The following CHCHD3 variants were observed in gnomAD, a reference collection of about 807,000 sequenced individuals.
CHCHD3 encodes the protein MICOS complex subunit MIC19.
CHCHD3 carries 20 observed loss-of-function variants against 38.2 expected under a neutral mutation model. The observed-to-expected ratio is 0.52, with a 90% CI of 0.37 to 0.76. The LOEUF (loss-of-function observed/expected upper bound fraction) is 0.76, where lower values mean the gene tolerates loss of function less well. Among genes scored for constraint, CHCHD3 ranks in the 30% least tolerant of loss-of-function variants. The pLI is 0.00. For missense variants in CHCHD3, 245 were observed against 279.2 expected (o/e 0.88, Z 0.87); for synonymous variants, 82 against 100.0 (o/e 0.82, Z 1.07).
At position 132,854,987 on chromosome 7, in the gene CHCHD3, C is replaced by T. The variant is rs1203076074; in HGVS notation, c.454-16518G>A. 7.2e-5 allele frequency among the ~76,000 whole-genome samples: 11 copies of T among 152,192 alleles called. No individual in the cohort carries two copies. The East Asian group carries it at 1.2e-3, about 16-fold the overall frequency. ...AATCAAGTATTTCCTATGTTCATAT[C>T]GTTTGATTTTATGATAAAAACCAGC... On this transcript the variant is annotated intron_variant, in intron 5 of 7. Transcript: ENST00000262570.
At chr7:132,816,439 A>G (rs746139393) in intron 6 of CHCHD3, among the ~76,000 whole-genome samples, 1 of 147,466 alleles carries the variant, frequency 6.8e-6, no homozygotes, top group African/African-American at 2.7e-5. Context: ...GTTTTATGAC[A>G]GTCACTAGAT....
At chr7:132,799,674 T>C (rs1194531312) in intron 6 of CHCHD3, among the ~76,000 whole-genome samples, 1 of 152,156 alleles carries the variant, frequency 6.6e-6, no homozygotes, top group East Asian at 1.9e-4. Flanking sequence ...CTCAAAAACA[T>C]GTTTAGCAAG....
intron 4 of CHCHD3, among the ~76,000 whole-genome samples, chr7:132,907,520 C>T (rs567514343): frequency 1.8e-4 from 27 of 152,122 alleles, no homozygotes; most frequent in Middle Eastern, 6.8e-3. Flanking sequence ...GGACAAGAAA[C>T]AGAGACACAG....
At chr7:132,886,900 G>A in intron 4 of CHCHD3, 1 of 913,812 alleles carries the variant, frequency 1.1e-6, no homozygotes, top group Non-Finnish European at 1.4e-6. Flanking sequence ...ATGTCAAGGT[G>A]CCTGTCTACT....
intron 1 of CHCHD3, among the ~76,000 whole-genome samples, chr7:133,070,871 T>C (rs1287154806): frequency 6.6e-6 from 1 of 152,198 alleles, no homozygotes; most frequent in Admixed American, 6.5e-5. Flanking sequence ...GGGCAGCACA[T>C]GTAGCCAGGC....
chr7:132,812,968 C>A (rs2117054531), intron 6 of CHCHD3, among the ~76,000 whole-genome samples: 1 of 151,838 alleles, frequency 6.6e-6, no homozygotes, highest in African/African-American at 2.4e-5. Flanking sequence ...GAGGTTGTCT[C>A]CAATGCCTCA....
At chr7:133,063,775 T>G (rs1050923754) in intron 2 of CHCHD3, among the ~76,000 whole-genome samples, 5 of 152,206 alleles carry the variant, frequency 3.3e-5, no homozygotes, top group Non-Finnish European at 4.4e-5. Flanking sequence ...TAAAATGAGA[T>G]AGAACAGCTC....
At chr7:133,016,947 T>C (rs1813048930) in intron 3 of CHCHD3, among the ~76,000 whole-genome samples, 1 of 152,236 alleles carries the variant, frequency 6.6e-6, no homozygotes, top group South Asian at 2.1e-4. Context: ...CCACCCACCT[T>C]TTAAAACAGA....
intron 5 of CHCHD3, among the ~76,000 whole-genome samples, chr7:132,840,364 G>A (rs1206980860): frequency 3.9e-5 from 6 of 152,188 alleles, no homozygotes; most frequent in Admixed American, 3.9e-4. Context: ...TGTTGAGTGG[G>A]TATTATGTTA....
intron 6 of CHCHD3, among the ~76,000 whole-genome samples, chr7:132,820,611 G>GTTTTTTTTTTT (rs748470167): frequency 1.0e-5 from 1 of 96,188 alleles, no homozygotes; most frequent in Non-Finnish European, 2.0e-5. Context: ...ATGTGCTAGT[G>GTTTTTTTTTTT]TTTTTTTTTT....
intron 7 of CHCHD3, among the ~76,000 whole-genome samples, chr7:132,792,793 G>A (rs1347225416): frequency 6.6e-6 from 1 of 152,204 alleles, no homozygotes; most frequent in African/African-American, 2.4e-5. Flanking sequence ...TAGGATTGCA[G>A]CAGCAGTATT....
chr7:132,966,451 A>G (rs922319437), intron 4 of CHCHD3, among the ~76,000 whole-genome samples: 1 of 152,228 alleles, frequency 6.6e-6, no homozygotes, highest in Admixed American at 6.5e-5. Context: ...TATCAAAGCA[A>G]TAAAAGCACG....
intron 4 of CHCHD3, among the ~76,000 whole-genome samples, chr7:132,961,773 A>C (rs1331872200): frequency 6.6e-6 from 1 of 152,092 alleles, no homozygotes; most frequent in Admixed American, 6.5e-5. Context: ...CCTTTAACCA[A>C]ATCTCCCCAC....
intron 1 of CHCHD3, 79 bp downstream of exon 1, chr7:133,081,778 G>A: frequency 7.0e-7 from 1 of 1,434,096 alleles, no homozygotes; most frequent in East Asian, 2.5e-5. Context: ...GAGAAACCCA[G>A]GCTGAGCGGG....
intron 4 of CHCHD3, among the ~76,000 whole-genome samples, chr7:132,890,204 G>A (rs1809325827): frequency 6.6e-6 from 1 of 152,170 alleles, no homozygotes; most frequent in African/African-American, 2.4e-5. Context: ...ACATTTTGAT[G>A]TCTTAACTTG....
chr7:132,950,496 A>T (rs1811011935), intron 4 of CHCHD3, among the ~76,000 whole-genome samples: 2 of 152,210 alleles, frequency 1.3e-5, no homozygotes, highest in Non-Finnish European at 2.9e-5. Context: ...AACATTTGTC[A>T]TCTTATAAGA....
Position 133,070,246 on chromosome 7 carries a change from A to G in CHCHD3, c.82-17T>C. 1 of 1,603,722 alleles carries G rather than the reference A, an allele frequency of 6.2e-7. No individual in the cohort carries two copies. Among genetic ancestry groups the G allele is most frequent in the Non-Finnish European group, 8.5e-7 (1 of 1,172,694 alleles). On this transcript the variant is annotated splice_polypyrimidine_tract_variant and intron_variant, in intron 1 of 7. Transcript: ENST00000262570. ...TTCCGAAAGCTGGAAAAGCAACATC[A>G]AAATAAAATCAATTATAAAACAGCA...
chr7:132,963,017 A>C (rs1811357775), intron 4 of CHCHD3, among the ~76,000 whole-genome samples: 1 of 151,968 alleles, frequency 6.6e-6, no homozygotes, highest in Admixed American at 6.6e-5. Flanking sequence ...ATAGTCATCA[A>C]TGTTAAATTT....
At position 133,035,833 on chromosome 7, in the gene CHCHD3, G is replaced by C; in HGVS notation, c.170-11206C>G. 1 of 1,613,058 alleles carries C rather than the reference G, an allele frequency of 6.2e-7. No homozygotes were observed. Among genetic ancestry groups the C allele is most frequent in the South Asian group, 1.1e-5 (1 of 91,060 alleles). ...AAGTGGGGTGGTGCGGAGAGCACGC[G>C]GATCTGAGCCCCGCTGTACTGAGCA... is the stretch of plus-strand genomic sequence containing the variant. On this transcript the variant is annotated intron_variant, in intron 2 of 7. Transcript: ENST00000262570. The surrounding 1 kb of genome is among the most constrained non-coding windows in gnomAD (Gnocchi z 4.7).
Sources: gnomAD v4.1 joint callset for allele counts (sites outside exome capture counted in the v4.1 genomes callset) on GRCh38, gnomAD v4.1.1 for gene constraint, Gnocchi (gnomAD v3.1) non-coding constraint, MANE v1.5 for transcripts, NCBI Gene and HGNC (gene_info 2026-07-23, HGNC 2026-07-21) for gene names.